The following DOCK9 variants were observed in gnomAD, a reference collection of about 807,000 sequenced individuals.
The protein encoded by DOCK9 is dedicator of cytokinesis protein 9.
A neutral mutation model predicts 263.3 loss-of-function variants in DOCK9; 89 were observed. The ratio of observed to expected loss-of-function variants is 0.34; its 90% CI spans 0.28 to 0.40. The LOEUF (loss-of-function observed/expected upper bound fraction) is 0.40, where lower values mean the gene tolerates loss of function less well. Among genes scored for constraint, DOCK9 ranks in the 10% least tolerant of loss-of-function variants. The pLI, the probability that DOCK9 is intolerant of heterozygous loss-of-function variation, is 1.00. For missense variants in DOCK9, 2,140 were observed against 2,603.4 expected (o/e 0.82, Z 3.87); for synonymous variants, 976 against 973.1 (o/e 1.00, Z -0.06).
chr13:98,956,284 C>A (rs1167533006), intron 1 of DOCK9, among the ~76,000 whole-genome samples: 4 of 152,296 alleles, frequency 2.6e-5, no homozygotes, highest in Middle Eastern at 3.4e-3. Flanking sequence ...AGTTAGCTCT[C>A]TTGGTTAAAA....
intron 45 of DOCK9, among the ~76,000 whole-genome samples, chr13:98,821,514 C>T (rs1185230863): frequency 6.6e-6 from 1 of 152,194 alleles, no homozygotes; most frequent in Non-Finnish European, 1.5e-5. Context: ...AATCTCCCAA[C>T]TATGCTACCT....
At chr13:99,081,010 T>C (rs906863071) in intron 1 of DOCK9, among the ~76,000 whole-genome samples, 2 of 152,166 alleles carry the variant, frequency 1.3e-5, no homozygotes. Context: ...AGTGTACTAA[T>C]AATCAAAAGG....
At chr13:98,902,567 T>G in intron 11 of DOCK9, 76 bp from the exon 12 acceptor site, 1 of 1,399,754 alleles carries the variant, frequency 7.1e-7, no homozygotes, top group Non-Finnish European at 9.8e-7. Flanking sequence ...AAAAGAGAAA[T>G]GACAAGACCT....
In DOCK9 at chr13:98,883,857, G is replaced by A. The variant is rs766728109; in HGVS notation, c.2425C>T (p.Leu809=). The change falls in exon 22 of 53, where the codon CTG becomes TTG. Residue 809 remains leucine (L), a synonymous_variant. Transcript: ENST00000682017. The part of the protein sequence containing the change: ...EIKWVDGGKP[L]LKISTHLVST... ...ACCAGATGAGTGGAAATTTTCAGCAGTGGCTTGCCTCCATCTACCCATTTA... is the reference window on the plus strand; with the variant it reads ...ACCAGATGAGTGGAAATTTTCAGCAATGGCTTGCCTCCATCTACCCATTTA... 2 of 1,612,540 alleles carry A rather than the reference G, an allele frequency of 1.2e-6. No individual in the cohort carries two copies. Among genetic ancestry groups the A allele is most frequent in the Non-Finnish European group, 1.7e-6 (2 of 1,179,506 alleles).
In DOCK9 at chr13:99,081,167, T is replaced by C. The variant is rs1352903310; in HGVS notation, c.129+5056A>G. Among the ~76,000 whole-genome samples the C allele has an allele frequency of 3.3e-5, 5 of 152,340 alleles. No homozygotes were observed. In the East Asian group the frequency reaches 9.6e-4, roughly 29 times the overall value. On this transcript the variant is annotated intron_variant, in intron 1 of 32. Coordinates refer to the DOCK9 transcript ENST00000427887. ...AGAGAAGCCCTGGCCAGTTCAGTTA[T>C]CAGCTTACTGACATCTGATTTTAAA...
intron 49 of DOCK9, among the ~76,000 whole-genome samples, chr13:98,801,133 CA>C (rs34096236): frequency 0.16 from 24,755 of 151,934 alleles, 2,180 homozygotes; most frequent in Middle Eastern, 0.21. Context: ...GTAAAAAATA[CA>C]AAAAATTAGC....
At chr13:98,923,394 T>C in intron 4 of DOCK9, 23 bp from the exon 5 acceptor site, 1 of 1,608,256 alleles carries the variant, frequency 6.2e-7, no homozygotes, top group Non-Finnish European at 8.5e-7. Flanking sequence ...CAAAGAAAAT[T>C]TGTTTTAGAA....
intron 1 of DOCK9, among the ~76,000 whole-genome samples, chr13:99,016,233 T>A (rs1467205704): frequency 2.0e-5 from 3 of 152,012 alleles, no homozygotes; most frequent in African/African-American, 7.3e-5. Context: ...GTGAAATCTC[T>A]AAGATGACTG....
In DOCK9 at chr13:98,805,045, C is replaced by T; in HGVS notation, c.5679G>A (p.Arg1893=). The T allele has an allele frequency of 6.2e-7, 1 of 1,611,516 alleles. No individual in the cohort carries two copies. The highest frequency in any genetic ancestry group is 8.5e-7 in the Non-Finnish European group (1 of 1,178,836). ...TGCACTGCTCTTCCACCCCGCCCTG[C>T]CTCTTCCCGGTCTGCGTAAATGGCA... is the stretch of plus-strand genomic sequence containing the variant. The part of the protein sequence containing the change: ...FEMPFTQTGK[R]QGGVEEQCKR... The change falls in exon 49 of 53, where the codon AGG becomes AGA. Residue 1893 remains arginine, a synonymous_variant. Coordinates refer to ENST00000682017, the MANE Select transcript of DOCK9 (RefSeq NM_001366683.2).
chr13:98,894,263 G>A (rs2047051741), intron 15 of DOCK9, among the ~76,000 whole-genome samples: 2 of 152,120 alleles, frequency 1.3e-5, no homozygotes, highest in Non-Finnish European at 2.9e-5. Flanking sequence ...TGTTTGTTTT[G>A]TCTGAATATA....
rs768348816 is a variant in DOCK9, at chr13:99,038,282, G to GCC, written c.129+47939_129+47940dup. Among the ~76,000 whole-genome samples, 36 of 72,184 alleles carry GCC rather than the reference G, an allele frequency of 5.0e-4. 1 individual carries two copies. The highest frequency in any genetic ancestry group is 6.6e-4 in the South Asian group (1 of 1,506). 47.4% of individuals were successfully genotyped at this position (72,184 alleles called of 152,430 possible). A position where few individuals can be genotyped will look rare whatever the true frequency, so the allele number is the denominator to read the frequency against. ...TATTAAGCTGAAAAACTGGCTTTAT[G>GCC]CCCCCCTTTTTTTTTTTTTTTTTTT... is the stretch of plus-strand genomic sequence containing the variant. On this transcript the variant is annotated intron_variant, in intron 1 of 32. Coordinates refer to the DOCK9 transcript ENST00000427887.
chr13:98,956,795 TAGA>T (rs907855477), intron 1 of DOCK9, among the ~76,000 whole-genome samples: 3 of 152,178 alleles, frequency 2.0e-5, no homozygotes, highest in Admixed American at 6.5e-5. Context: ...CAATAGTTAC[TAGA>T]AGATTATTTT....
chr13:99,076,714 A>G (rs191606537), intron 1 of DOCK9, among the ~76,000 whole-genome samples: 20 of 152,280 alleles, frequency 1.3e-4, no homozygotes, highest in African/African-American at 4.8e-4. Context: ...TAAAATGAAG[A>G]TATAGAGTCA....
Position 98,810,264 on chromosome 13 carries a change from A to C in DOCK9, c.5158T>G (p.Cys1720Gly), listed in dbSNP as rs1284330741. 3.1e-6 allele frequency: 5 copies of C among 1,613,820 alleles called. No homozygotes were observed. The highest frequency in any genetic ancestry group is 4.2e-6 in the Non-Finnish European group (5 of 1,179,896). Residue 1720 changes from cysteine to glycine, a missense_variant, in exon 46 of 53, where the codon TGC becomes GGC. By Grantham distance (159) the Cys-to-Gly change is radical. This residue lies in a region of DOCK9 where 619 missense variants were observed against 861.8 expected (regional missense o/e 0.72). Transcript: ENST00000682017. ...TCGGCTTTCCAGAGTCCATCTGCGC[A>C]CTGCTCAAGGAGCTCCATCAGCACA... ...EDVLMELLEQ[C>G]ADGLWKAERY...
At position 98,829,408 on chromosome 13, in the gene DOCK9, G is replaced by A; in HGVS notation, c.4864C>T (p.Gln1622Ter). 1 of 1,613,930 alleles carries A rather than the reference G, an allele frequency of 6.2e-7. No homozygotes were observed. The highest frequency in any genetic ancestry group is 8.5e-7 in the Non-Finnish European group (1 of 1,179,872). Residue 1622 changes from glutamine to a stop codon, truncating the protein, a stop_gained, in exon 43 of 53, where the codon CAG becomes TAG. Transcript: ENST00000682017. LOFTEE classifies it high-confidence loss of function. This position sits in a 1 kb window ranked among gnomAD's most constrained non-coding sequence, Gnocchi z 4.1. ...GCATAGGATTTGGCCAGGCTGTACT[G>A]GAGGTCCACCAGCATCTCTGGGTCG... is the stretch of plus-strand genomic sequence containing the variant. ...ENDPEMLVDL[Q>*]YSLAKSYAST... is the part of the protein sequence containing the mutation.
intron 27 of DOCK9, among the ~76,000 whole-genome samples, 163 bp downstream of exon 27, chr13:98,879,735 T>C (rs2044440702): frequency 6.6e-6 from 1 of 152,204 alleles, no homozygotes; most frequent in South Asian, 2.1e-4. Flanking sequence ...AACAGTACTT[T>C]CCTCAAAGCG....
exon 1 of DOCK9, chr13:99,086,596 G>A (rs2042349767): frequency 6.7e-6 from 1 of 148,384 alleles, no homozygotes; most frequent in African/African-American, 2.4e-5. Flanking sequence ...GCAGCGCCCG[G>A]GCTCGCTCCG....
chr13:98,878,450 TCTTCATCCAATCCA>T, intron 27 of DOCK9, among the ~76,000 whole-genome samples: 1 of 152,346 alleles, frequency 6.6e-6, no homozygotes, highest in East Asian at 1.9e-4. Context: ...CACCAATCTA[TCTTCATCCAATCCA>T]CTTTTTTAGC....
chr13:98,805,126 T>G lies in DOCK9; in HGVS notation c.5598A>C (p.Gln1866His). 1 of 1,610,080 alleles carries G rather than the reference T, an allele frequency of 6.2e-7. No individual in the cohort carries two copies. The highest frequency in any genetic ancestry group is 8.5e-7 in the Non-Finnish European group (1 of 1,177,980). Residue 1866 changes from glutamine (Q) to histidine (H), a missense_variant, in exon 49 of 53, where the codon CAA becomes CAC. Transcript: ENST00000682017. ...ATCTCTCAAACTCTGTTTTCCTTTC[T>G]TGCAACTCTTTTTCGTCAAAGAAGG... ...VIPFFDEKEL[Q>H]ERKTEFERSH...
Sources: allele counts gnomAD v4.1 joint callset (sites outside exome capture counted in the v4.1 genomes callset), GRCh38; gene constraint gnomAD v4.1.1; regional missense constraint gnomAD v4.1.1; non-coding constraint Gnocchi (gnomAD v3.1); transcripts MANE v1.5; gene names NCBI Gene and HGNC (gene_info 2026-07-23, HGNC 2026-07-21).